The following RBFOX1 variants were observed in gnomAD, a reference collection of about 807,000 sequenced individuals.
RBFOX1 encodes RNA binding protein fox-1 homolog 1.
A neutral mutation model predicts 57.7 loss-of-function variants in RBFOX1; 8 were observed. The observed-to-expected ratio is 0.14, with a 90% CI of 0.08 to 0.25. The LOEUF is 0.25. Ranked by LOEUF, RBFOX1 falls within the 10% of genes least tolerant of loss-of-function variation. The pLI, the probability that RBFOX1 is intolerant of heterozygous loss-of-function variation, is 1.00. For missense variants in RBFOX1, 611 were observed against 548.5 expected, an observed-to-expected ratio of 1.11 and a Z score of -1.14; for synonymous variants, 326 against 222.4, an observed-to-expected ratio of 1.47 and a Z score of -4.15.
intron 3 of RBFOX1, among the ~76,000 whole-genome samples, chr16:6,987,672 A>C (rs1010653172): frequency 1.3e-5 from 2 of 152,206 alleles, no homozygotes; most frequent in African/African-American, 4.8e-5. Context: ...CCTGCAGTTC[A>C]CAATCTAGAA....
rs138549221 is a variant in RBFOX1 at position 6,003,922 on chromosome 16, A to C, written c.351+136587A>C. Among the ~76,000 whole-genome samples the C allele has an allele frequency of 8.0e-4, 122 of 152,336 alleles. 3 individuals are homozygous for C. The East Asian group carries it at 0.017, about 21-fold the overall frequency. On this transcript the variant is annotated intron_variant, in intron 4 of 19. Coordinates refer to the RBFOX1 transcript ENST00000641259. ...GAGAGTCCACAAATCTGGCTTTTCT[A>C]TGAAGTCTCCTGACTTTGAAATGCT...
chr16:7,075,669 C>A (rs1481333889), intron 4 of RBFOX1, among the ~76,000 whole-genome samples: 1 of 152,152 alleles, frequency 6.6e-6, no homozygotes, highest in Non-Finnish European at 1.5e-5. Flanking sequence ...CAAGGTCCGC[C>A]TCTCAGGTTC....
intron 3 of RBFOX1, among the ~76,000 whole-genome samples, chr16:6,925,244 G>C (rs192911963): frequency 7.9e-5 from 11 of 139,978 alleles, no homozygotes; most frequent in African/African-American, 1.6e-4. Context: ...AGCAATTGTC[G>C]TACCTCAGTC....
chr16:7,376,950 G>A (rs1047642588), intron 4 of RBFOX1, among the ~76,000 whole-genome samples: 16 of 152,138 alleles, frequency 1.1e-4, no homozygotes, highest in African/African-American at 3.9e-4. Context: ...CATACAAGAG[G>A]TAAACATAGT....
intron 2 of RBFOX1, among the ~76,000 whole-genome samples, chr16:6,514,015 A>G (rs2096313466): frequency 6.6e-6 from 1 of 152,174 alleles, no homozygotes; most frequent in Non-Finnish European, 1.5e-5. Context: ...GCGCATGTCC[A>G]CCTTACAGAG....
At chr16:6,904,559 C>G (rs372895391) in intron 3 of RBFOX1, among the ~76,000 whole-genome samples, 33 of 135,734 alleles carry the variant, frequency 2.4e-4, no homozygotes, top group Non-Finnish European at 5.0e-4. Flanking sequence ...TGAGATCATG[C>G]CATTGCACTC....
At chr16:7,223,950 C>G (rs919063803) in intron 4 of RBFOX1, among the ~76,000 whole-genome samples, 5 of 151,620 alleles carry the variant, frequency 3.3e-5, no homozygotes, top group African/African-American at 9.7e-5. Context: ...ATAGGCACAC[C>G]TCATTGTTCC....
intron 3 of RBFOX1, among the ~76,000 whole-genome samples, chr16:6,955,763 C>G (rs57857015): frequency 0.39 from 59,798 of 151,564 alleles, 12,109 homozygotes; most frequent in Non-Finnish European, 0.43. Flanking sequence ...GAGTGCAGTG[C>G]CGCTATCTTG....
At chr16:7,471,263 T>G (rs17143717) in intron 4 of RBFOX1, among the ~76,000 whole-genome samples, 4,675 of 152,320 alleles carry the variant, frequency 0.031, 239 homozygotes, top group African/African-American at 0.11. Flanking sequence ...AGGGGGACAT[T>G]TAGCTTTAGG....
chr16:6,759,081 A>G (rs2076221370), intron 3 of RBFOX1, among the ~76,000 whole-genome samples: 1 of 152,106 alleles, frequency 6.6e-6, no homozygotes, highest in African/African-American at 2.4e-5. Context: ...AGAAAACAAG[A>G]TTATATTCTA....
rs528276433 is a variant in RBFOX1 at position 7,170,668 on chromosome 16, C to T, written c.27+118570C>T. On this transcript the variant is annotated intron_variant, in intron 4 of 15. Coordinates refer to ENST00000550418, the MANE Select transcript of RBFOX1 (RefSeq NM_018723.4). Reference sequence around the variant, plus strand: ...TCTTTTAGCCCTAAGCTGTATAATTCAGAGTTGTTTTGTTTTCTTTGGGTT... The same window carrying T: ...TCTTTTAGCCCTAAGCTGTATAATTTAGAGTTGTTTTGTTTTCTTTGGGTT... Among the ~76,000 whole-genome samples the T allele has an allele frequency of 4.6e-5, 7 of 152,278 alleles. No individual in the cohort carries two copies. In the South Asian group the frequency reaches 1.4e-3, roughly 32 times the overall value.
rs561413951 is a variant in RBFOX1, at chr16:7,527,522, G to A, written c.270+9133G>A. Among the ~76,000 whole-genome samples the A allele has an allele frequency of 1.3e-4, 20 of 152,048 alleles. No homozygotes were observed. In the East Asian group the frequency reaches 3.7e-3, roughly 28 times the overall value. On this transcript the variant is annotated intron_variant, in intron 5 of 15. Coordinates refer to ENST00000550418, the MANE Select transcript of RBFOX1 (RefSeq NM_018723.4). ...GCAGAATTGGAGGTTGTTATGACAG[G>A]TGAAAAAAAATGGCGTTGGTTAAAT...
intron 3 of RBFOX1, among the ~76,000 whole-genome samples, chr16:6,931,317 CTA>C (rs1567941510): frequency 1.4e-4 from 18 of 128,450 alleles, no homozygotes; most frequent in South Asian, 2.5e-4. Context: ...ATCTATCTAT[CTA>C]TCTATCTATC....
chr16:6,242,816 TC>T (rs1161009211), intron 1 of RBFOX1, among the ~76,000 whole-genome samples: 2 of 152,134 alleles, frequency 1.3e-5, no homozygotes, highest in African/African-American at 2.4e-5. Context: ...AGCCCAGATG[TC>T]CTTTTAATTC....
chr16:6,239,706 C>A (rs541001708), intron 1 of RBFOX1, among the ~76,000 whole-genome samples: 6 of 151,944 alleles, frequency 3.9e-5, no homozygotes, highest in Non-Finnish European at 8.8e-5. Context: ...ACCATGTTGA[C>A]CAGGCTGGTC....
chr16:6,556,633 G>C (rs78778377), intron 2 of RBFOX1, among the ~76,000 whole-genome samples: 3,338 of 152,248 alleles, frequency 0.022, 45 homozygotes, highest in Middle Eastern at 0.071. Context: ...AAGATGGCAT[G>C]TATTGAGATG....
At position 6,607,274 on chromosome 16, in the gene RBFOX1, TAAAAG is replaced by T. The variant is rs2097947127; in HGVS notation, c.-63-47328_-63-47324del. Among the ~76,000 whole-genome samples, 3 of 152,288 alleles carry T rather than the reference TAAAAG, an allele frequency of 2.0e-5. No individual in the cohort carries two copies. The South Asian group carries it at 6.2e-4, about 32-fold the overall frequency. ...AACAATTCATTGTGGTTATTAGGAT[TAAAAG>T]GGAAGAGAAATGTCAGCTCTCATAT... On this transcript the variant is annotated intron_variant, in intron 2 of 15. Transcript: ENST00000550418.
At chr16:6,861,557 G>A (rs955063940) in intron 3 of RBFOX1, among the ~76,000 whole-genome samples, 1 of 145,712 alleles carries the variant, frequency 6.9e-6, no homozygotes, top group African/African-American at 2.5e-5. Flanking sequence ...CACGTTCAGT[G>A]TTAGCATCTT....
chr16:5,858,817 G>C (rs1452530885), intron 3 of RBFOX1, among the ~76,000 whole-genome samples: 1 of 152,174 alleles, frequency 6.6e-6, no homozygotes, highest in Non-Finnish European at 1.5e-5. Context: ...TACACTTATG[G>C]TTAAAATTTA....
Sources: gnomAD v4.1 joint callset for allele counts (sites outside exome capture counted in the v4.1 genomes callset) on GRCh38, gnomAD v4.1.1 for gene constraint, MANE v1.5 for transcripts, NCBI Gene and HGNC (gene_info 2026-07-23, HGNC 2026-07-21) for gene names.